FHIP1A: variants seen among roughly 807,000 people sequenced by gnomAD.
FHIP1A encodes the protein FHF complex subunit HOOK interacting protein 1A.
Under a neutral mutation model 88.6 loss-of-function variants are expected in FHIP1A, and 61 were observed. The observed-to-expected ratio is 0.69, with a 90% CI of 0.56 to 0.85. The LOEUF is 0.85. Ranked by LOEUF, FHIP1A falls within the 40% of genes least tolerant of loss-of-function variation. The pLI, the probability that FHIP1A is intolerant of heterozygous loss-of-function variation, is 0.00. For synonymous variants in FHIP1A, 478 were observed against 496.0 expected (o/e 0.96, Z 0.48); for missense variants, 1,154 against 1,273.5 (o/e 0.91, Z 1.43).
rs550476102 is a variant in FHIP1A, at chr4:151,495,343, A to G, written c.-123+12695A>G. Among the ~76,000 whole-genome samples the G allele has an allele frequency of 2.0e-5, 3 of 152,110 alleles. No homozygotes were observed. The South Asian group carries it at 6.2e-4, about 32-fold the overall frequency. On this transcript the variant is annotated intron_variant, in intron 3 of 13. Transcript: ENST00000435205. Reference sequence around the variant, plus strand: ...CATGGCGAAACTCCATCTGTACTAAAAATAAAAAATTAGCTGGATGTGGTA... The same window carrying G: ...CATGGCGAAACTCCATCTGTACTAAGAATAAAAAATTAGCTGGATGTGGTA...
chr4:151,517,947 G>GT lies in FHIP1A; in HGVS notation c.-123+35300dup, dbSNP rs1294970895. ...TTCAAAAAATTAAAAAGTTTATACA[G>GT]TAAAAAAGTTATAGTAAGCTAAGGT... is the stretch of plus-strand genomic sequence containing the variant. On this transcript the variant is annotated intron_variant, in intron 3 of 13. Transcript: ENST00000435205. Among the ~76,000 whole-genome samples, 3 of 152,094 alleles carry GT rather than the reference G, an allele frequency of 2.0e-5. No homozygotes were observed. In the East Asian group the frequency reaches 5.8e-4, roughly 29 times the overall value.
intron 5 of FHIP1A, among the ~76,000 whole-genome samples, chr4:151,584,770 C>T (rs1395666959): frequency 7.2e-5 from 11 of 152,168 alleles, no homozygotes; most frequent in Admixed American, 7.2e-4. Flanking sequence ...CAATACTGTG[C>T]TTCTCTTAGT....
intron 3 of FHIP1A, among the ~76,000 whole-genome samples, chr4:151,510,011 C>A (rs993416120): frequency 6.6e-6 from 1 of 152,146 alleles, no homozygotes; most frequent in Admixed American, 6.5e-5. Context: ...ATTGCTGTTC[C>A]TACTCTGGCC....
At chr4:151,437,873 G>A (rs1022620655) in intron 1 of FHIP1A, among the ~76,000 whole-genome samples, 6 of 152,112 alleles carry the variant, frequency 3.9e-5, no homozygotes, top group South Asian at 4.1e-4. Flanking sequence ...CAAAATCTAT[G>A]TTCAGTTGTG....
chr4:151,525,529 G>T (rs566276038), intron 3 of FHIP1A, among the ~76,000 whole-genome samples: 1 of 152,276 alleles, frequency 6.6e-6, no homozygotes, highest in South Asian at 2.1e-4. Context: ...AGGGGGTCTT[G>T]GCAGATGCCC....
intron 7 of FHIP1A, among the ~76,000 whole-genome samples, chr4:151,612,244 T>C (rs761066688): frequency 5.9e-5 from 9 of 152,182 alleles, no homozygotes; most frequent in Non-Finnish European, 1.2e-4. Context: ...ACTCCTGAGC[T>C]CCCAAAGAAG....
At position 151,668,714 on chromosome 4, in the gene FHIP1A, C is replaced by T. The variant is rs1177815176; in HGVS notation, c.*5960C>T. On this transcript the variant is annotated 3_prime_UTR_variant, in exon 14 of 14. Transcript: ENST00000435205. The stretch of plus-strand genomic sequence containing the variant: ...CCATTAATTTGTTTCATACAGTAAG[C>T]GAGCTTTTACTGAATACTCCCTCTG... 5.3e-5 allele frequency among the ~76,000 whole-genome samples: 8 copies of T among 152,186 alleles called. No individual in the cohort carries two copies. Among genetic ancestry groups the T allele is most frequent in the Non-Finnish European group, 7.4e-5 (5 of 68,026 alleles).
At chr4:151,546,090 A>G (rs967756699) in intron 3 of FHIP1A, among the ~76,000 whole-genome samples, 1 of 152,126 alleles carries the variant, frequency 6.6e-6, no homozygotes, top group Non-Finnish European at 1.5e-5. Context: ...GTGGGCATGG[A>G]ACATCCAATC....
chr4:151,505,152 T>G (rs976848299), intron 3 of FHIP1A, among the ~76,000 whole-genome samples: 1 of 152,144 alleles, frequency 6.6e-6, no homozygotes, highest in Non-Finnish European at 1.5e-5. Context: ...CCCACTAGAT[T>G]GTATCACAAA....
At chr4:151,460,876 A>G (rs1729122870) in intron 2 of FHIP1A, among the ~76,000 whole-genome samples, 1 of 152,196 alleles carries the variant, frequency 6.6e-6, no homozygotes, top group Non-Finnish European at 1.5e-5. Flanking sequence ...GGATTTCTGA[A>G]GCATTTGTGT....
In FHIP1A at chr4:151,482,571, A is replaced by G. The variant is rs1186263566; in HGVS notation, c.-200A>G. 1 of 152,100 alleles carries G rather than the reference A, an allele frequency of 6.6e-6. No individual in the cohort carries two copies. The highest frequency in any genetic ancestry group is 6.6e-5 in the Admixed American group (1 of 15,262). The allele number at this position is 152,100 out of a possible 1,614,324, so 9.4% of individuals were successfully genotyped here. A position where few individuals can be genotyped will look rare whatever the true frequency, so the allele number is the denominator to read the frequency against. On this transcript the variant is annotated 5_prime_UTR_variant, in exon 3 of 14. Transcript: ENST00000435205. ...GGTTTCCAGCAGAGCCAAATGTTAG[A>G]AAAATCTTTCCGCTCCTCTGAAGAG...
chr4:151,483,828 A>T (rs1411031672), intron 3 of FHIP1A, among the ~76,000 whole-genome samples: 2 of 152,186 alleles, frequency 1.3e-5, no homozygotes, highest in Admixed American at 1.3e-4. Flanking sequence ...AAAAGCTGAT[A>T]ATCATAAATA....
intron 7 of FHIP1A, among the ~76,000 whole-genome samples, chr4:151,622,968 TTATGCACACATAG>T (rs945749958): frequency 1.1e-4 from 17 of 152,184 alleles, no homozygotes; most frequent in African/African-American, 4.1e-4. Flanking sequence ...AGGGTACAAG[TTATGCACACATAG>T]TATAGGAAAG....
chr4:151,435,977 T>A (rs549761743), intron 1 of FHIP1A, among the ~76,000 whole-genome samples: 1 of 152,308 alleles, frequency 6.6e-6, no homozygotes, highest in African/African-American at 2.4e-5. Flanking sequence ...ACAATGCTTT[T>A]GTGATTTAAT....
chr4:151,488,950 C>G (rs970490369), intron 3 of FHIP1A, among the ~76,000 whole-genome samples: 1 of 152,178 alleles, frequency 6.6e-6, no homozygotes, highest in Non-Finnish European at 1.5e-5. Context: ...ACAGGATTAA[C>G]AGGCAGCTCC....
At chr4:151,532,671 G>A (rs1731920487) in intron 3 of FHIP1A, among the ~76,000 whole-genome samples, 1 of 152,128 alleles carries the variant, frequency 6.6e-6, no homozygotes, top group Non-Finnish European at 1.5e-5. Context: ...ATTTCCTGAG[G>A]AATAGGAGAA....
intron 3 of FHIP1A, among the ~76,000 whole-genome samples, chr4:151,556,428 A>G (rs931407397): frequency 6.6e-6 from 1 of 152,170 alleles, no homozygotes; most frequent in Non-Finnish European, 1.5e-5. Flanking sequence ...TTTTCAAAAC[A>G]TTTTAGAAAC....
chr4:151,544,150 G>A (rs1023527689), intron 3 of FHIP1A, among the ~76,000 whole-genome samples: 1 of 152,106 alleles, frequency 6.6e-6, no homozygotes. Context: ...TGGAGGACAC[G>A]GGACAAAATC....
chr4:151,477,272 G>T (rs149648150), intron 2 of FHIP1A, among the ~76,000 whole-genome samples: 1 of 152,192 alleles, frequency 6.6e-6, no homozygotes, highest in Non-Finnish European at 1.5e-5. Context: ...AAATTAGTCG[G>T]GTAAAGTTGC....
Sources: gnomAD v4.1 joint callset for allele counts (sites outside exome capture counted in the v4.1 genomes callset) on GRCh38, gnomAD v4.1.1 for gene constraint, MANE v1.5 for transcripts, NCBI Gene and HGNC (gene_info 2026-07-23, HGNC 2026-07-21) for gene names.